SHTN1: variants seen among roughly 807,000 people sequenced by gnomAD.
SHTN1 encodes the protein shootin-1.
SHTN1 carries 42 observed loss-of-function variants against 83.1 expected under a neutral mutation model. The observed-to-expected ratio is 0.51, with a 90% CI of 0.39 to 0.65. The LOEUF is 0.65. Ranked by LOEUF, SHTN1 falls within the 30% of genes least tolerant of loss-of-function variation. SHTN1 has a pLI of 0.00. For synonymous variants in SHTN1, 224 were observed against 247.7 expected (o/e 0.90, Z 0.90); for missense variants, 622 against 737.8 (o/e 0.84, Z 1.82).
chr10:116,927,455 G>A (rs1848782836), intron 11 of SHTN1, among the ~76,000 whole-genome samples: 1 of 152,166 alleles, frequency 6.6e-6, no homozygotes, highest in South Asian at 2.1e-4. Context: ...GGAGAAGCAA[G>A]TCACATCTTA....
At chr10:117,087,812 T>C (rs1853371693) in intron 1 of SHTN1, among the ~76,000 whole-genome samples, 1 of 152,158 alleles carries the variant, frequency 6.6e-6, no homozygotes, top group South Asian at 2.1e-4. Context: ...TGCAACAGAT[T>C]AGCATCCTAA....
chr10:117,048,581 T>C (rs1852699812), intron 1 of SHTN1: 4 of 507,100 alleles, frequency 7.9e-6, no homozygotes, highest in Non-Finnish European at 1.0e-5. Context: ...GCATACTGCA[T>C]ATTAAACGTG....
chr10:117,101,249 G>A (rs1853587799), intron 1 of SHTN1, among the ~76,000 whole-genome samples: 1 of 152,046 alleles, frequency 6.6e-6, no homozygotes, highest in African/African-American at 2.4e-5. Flanking sequence ...ATTGTATCTT[G>A]GTCTTCTCCA....
At chr10:117,079,472 T>C (rs1280590583) in intron 1 of SHTN1, among the ~76,000 whole-genome samples, 3 of 95,290 alleles carry the variant, frequency 3.1e-5, no homozygotes, top group Non-Finnish European at 6.2e-5. Flanking sequence ...GTCTTTGCTA[T>C]TGTGAATAAT....
chr10:116,943,112 G>GT (rs767345687), intron 8 of SHTN1, among the ~76,000 whole-genome samples: 5 of 152,170 alleles, frequency 3.3e-5, no homozygotes, highest in South Asian at 2.1e-4. Flanking sequence ...TGCCAATAAC[G>GT]TAAGTACCAT....
chr10:116,931,999 G>A (rs1382495472), intron 9 of SHTN1, among the ~76,000 whole-genome samples: 1 of 152,188 alleles, frequency 6.6e-6, no homozygotes, highest in African/African-American at 2.4e-5. Context: ...AATTTAGGAT[G>A]GTTTGAGATA....
In SHTN1 at chr10:116,927,452, C is replaced by CA. The variant is rs1242176706; in HGVS notation, c.1112+339dup. Among the ~76,000 whole-genome samples the CA allele has an allele frequency of 5.9e-5, 9 of 152,216 alleles. No individual in the cohort carries two copies. In the East Asian group the frequency reaches 1.7e-3, roughly 29 times the overall value. On this transcript the variant is annotated intron_variant, in intron 11 of 16. Transcript: ENST00000355371. Reference sequence around the variant, plus strand: ...AATCATGGCGGAAGGCAAGGAGAAGCAAGTCACATCTTACATGGCAGCAGG... The same window carrying CA: ...AATCATGGCGGAAGGCAAGGAGAAGCAAAGTCACATCTTACATGGCAGCAGG...
intron 5 of SHTN1, among the ~76,000 whole-genome samples, chr10:116,953,389 A>G (rs1849844021): frequency 6.6e-6 from 1 of 152,186 alleles, no homozygotes; most frequent in Non-Finnish European, 1.5e-5. Flanking sequence ...TTATAGTATA[A>G]CTGGCTGCTT....
chr10:116,886,384 C>G lies in SHTN1; in HGVS notation c.1856G>C (p.Ser619Thr), dbSNP rs199958951. The change falls in exon 17 of 17, where the codon AGC becomes ACC. Residue 619 changes from serine to threonine, a missense_variant. Ser to Thr is a moderately conservative substitution (Grantham distance 58). Around this residue, in one of 3 missense-constraint regions of SHTN1, gnomAD observed 231 missense variants for 251.6 expected, o/e 0.92. Transcript: ENST00000355371. ...GEIQPENKED[S>T]IENVRETDSS... ...GTCTGTCTCTCTCACGTTTTCAATG[C>G]TGTCTTCTTTGTTTTCTGGTTGAAT... 3 of 1,564,850 alleles carry G rather than the reference C, an allele frequency of 1.9e-6. No individual in the cohort carries two copies. Among genetic ancestry groups the G allele is most frequent in the East Asian group, 4.7e-5 (2 of 42,378 alleles).
At chr10:117,109,371 A>G (rs1344735555) in intron 1 of SHTN1, among the ~76,000 whole-genome samples, 2 of 152,036 alleles carry the variant, frequency 1.3e-5, no homozygotes, top group South Asian at 2.1e-4. Flanking sequence ...CACTCAATAC[A>G]TGTAAGCTTC....
chr10:116,965,368 A>G (rs1024107680), intron 3 of SHTN1, among the ~76,000 whole-genome samples: 1 of 152,102 alleles, frequency 6.6e-6, no homozygotes, highest in Non-Finnish European at 1.5e-5. Flanking sequence ...AATACAAAAA[A>G]TAGCCAGGCA....
At chr10:116,945,214 C>G (rs1160481215) in intron 7 of SHTN1, among the ~76,000 whole-genome samples, 196 bp from the exon 8 acceptor site, 1 of 152,186 alleles carries the variant, frequency 6.6e-6, no homozygotes, top group Non-Finnish European at 1.5e-5. Flanking sequence ...TAAAACTATT[C>G]ATACACTTTG....
At chr10:117,006,372 C>T (rs913971289), upstream of SHTN1, among the ~76,000 whole-genome samples, 7 of 151,744 alleles carry the variant, frequency 4.6e-5, no homozygotes, top group Non-Finnish European at 8.8e-5. Flanking sequence ...CGAGACCATC[C>T]TGGCTAACAC....
intron 1 of SHTN1, among the ~76,000 whole-genome samples, chr10:116,998,632 T>C (rs1018669208): frequency 1.3e-5 from 2 of 152,218 alleles, no homozygotes; most frequent in African/African-American, 4.8e-5. Context: ...TGTTGAAACA[T>C]AGCTTCCTCC....
chr10:117,046,439 T>C (rs181914433), intron 2 of SHTN1, among the ~76,000 whole-genome samples: 3 of 152,142 alleles, frequency 2.0e-5, no homozygotes, highest in Admixed American at 2.0e-4. Context: ...TATTAAATAG[T>C]GTAACCATTT....
At chr10:117,027,501 T>TC (rs952000472) in intron 2 of SHTN1, among the ~76,000 whole-genome samples, 1 of 14,902 alleles carries the variant, frequency 6.7e-5, no homozygotes, top group African/African-American at 7.3e-5. Flanking sequence ...CTCAGGCATT[T>TC]CTTTTTTTTT....
At chr10:116,974,835 T>C (rs11197861) in intron 2 of SHTN1, among the ~76,000 whole-genome samples, 30,588 of 145,910 alleles carry the variant, frequency 0.21, 3,440 homozygotes, top group East Asian at 0.31. Flanking sequence ...TCCCCCCATA[T>C]AGGAAAAAAA....
intron 1 of SHTN1, among the ~76,000 whole-genome samples, chr10:117,052,176 T>C (rs1445185272): frequency 3.3e-5 from 5 of 151,400 alleles, no homozygotes. Context: ...ATTCCTTTTA[T>C]AATAGCATCA....
chr10:117,022,673 T>G (rs1852280561), intron 2 of SHTN1, among the ~76,000 whole-genome samples: 1 of 152,084 alleles, frequency 6.6e-6, no homozygotes, highest in South Asian at 2.1e-4. Flanking sequence ...ATAATCCCAG[T>G]ACTTTGGGAG....
Sources: gnomAD v4.1 joint callset for allele counts (sites outside exome capture counted in the v4.1 genomes callset) on GRCh38, gnomAD v4.1.1 for gene constraint, gnomAD v4.1.1 regional missense constraint, MANE v1.5 for transcripts, NCBI Gene and HGNC (gene_info 2026-07-23, HGNC 2026-07-21) for gene names.